The following PLEKHA7 variants were observed in gnomAD, a reference collection of about 807,000 sequenced individuals.
PLEKHA7 encodes pleckstrin homology domain-containing family A member 7.
PLEKHA7 carries 104 observed loss-of-function variants against 170.0 expected under a neutral mutation model. That is an observed-to-expected ratio of 0.61 (90% CI 0.52 to 0.72). PLEKHA7 has a LOEUF of 0.72. Among genes scored for constraint, PLEKHA7 ranks in the 30% least tolerant of loss-of-function variants. The pLI is 0.00. For missense variants in PLEKHA7, 1,615 were observed against 1,671.7 expected (o/e 0.97, Z 0.59); for synonymous variants, 648 against 660.8 (o/e 0.98, Z 0.30).
In PLEKHA7 at chr11:16,816,245, C is replaced by T. The variant is rs148588380; in HGVS notation, c.1886G>A (p.Arg629Gln). ...HAVKNSSHVD[R>Q]RSMPSMGYMT... ...GTAACCCATGGAGGGCATGGAGCGT[C>T]GGTCCACATGAGATGAGTTCTGCAA... The change falls in exon 12 of 27, where the codon CGA becomes CAA. Residue 629 changes from arginine to glutamine, a missense_variant. By Grantham distance (43) the Arg-to-Gln change is conservative. Transcript: ENST00000531066. 21 of 1,613,546 alleles carry T rather than the reference C, an allele frequency of 1.3e-5. No individual in the cohort carries two copies. The highest frequency in any genetic ancestry group is 7.7e-5 in the South Asian group (7 of 91,044).
At chr11:16,960,237 C>T (rs1861969179) in intron 3 of PLEKHA7, among the ~76,000 whole-genome samples, 1 of 152,188 alleles carries the variant, frequency 6.6e-6, no homozygotes, top group Non-Finnish European at 1.5e-5. Flanking sequence ...CCCCTGCTTC[C>T]ACAGCCAGGA....
intron 3 of PLEKHA7, among the ~76,000 whole-genome samples, chr11:17,005,290 A>C (rs1328443825): frequency 6.6e-6 from 1 of 151,296 alleles, no homozygotes; most frequent in Non-Finnish European, 1.5e-5. Flanking sequence ...CAGCACTTCC[A>C]GGAGGCCAAG....
chr11:16,926,045 G>C (rs1859516098), intron 3 of PLEKHA7, among the ~76,000 whole-genome samples: 1 of 152,234 alleles, frequency 6.6e-6, no homozygotes, highest in South Asian at 2.1e-4. Flanking sequence ...CCAGGCTGCA[G>C]GAGACCCGGG....
At chr11:17,013,513 C>T (rs955971974) in intron 3 of PLEKHA7, among the ~76,000 whole-genome samples, 1 of 152,208 alleles carries the variant, frequency 6.6e-6, no homozygotes, top group Non-Finnish European at 1.5e-5. Flanking sequence ...CCAGAGCCTG[C>T]GGCGGGAGAG....
chr11:16,980,342 G>A (rs1243657931), intron 3 of PLEKHA7, among the ~76,000 whole-genome samples: 1 of 152,206 alleles, frequency 6.6e-6, no homozygotes, highest in African/African-American at 2.4e-5. Context: ...AGTTAGTGGT[G>A]GAGCCAGGAT....
intron 3 of PLEKHA7, among the ~76,000 whole-genome samples, chr11:16,987,471 C>T (rs554813315): frequency 1.2e-3 from 179 of 152,250 alleles, no homozygotes; most frequent in African/African-American, 4.1e-3. Flanking sequence ...CGAGTAGAGA[C>T]GCACCCTTGA....
intron 3 of PLEKHA7, among the ~76,000 whole-genome samples, chr11:17,001,215 A>T (rs1016156810): frequency 5.3e-5 from 8 of 152,168 alleles, no homozygotes; most frequent in Admixed American, 5.2e-4. Context: ...GCTGGAGGGC[A>T]GAAACAGTGA....
At chr11:16,832,808 G>A (rs1851220529) in intron 9 of PLEKHA7, among the ~76,000 whole-genome samples, 2 of 152,170 alleles carry the variant, frequency 1.3e-5, no homozygotes, top group South Asian at 4.1e-4. Context: ...GAGAGTCTTG[G>A]AGAGTTGGAT....
In PLEKHA7 at chr11:16,789,979, G is replaced by T; in HGVS notation, c.3053-101C>A. Reference sequence around the variant, plus strand: ...CTTGCAGGAGTACCAAGAGCACCCAGTCAATGACCCACCCTTATTTCTCTT... The same window carrying T: ...CTTGCAGGAGTACCAAGAGCACCCATTCAATGACCCACCCTTATTTCTCTT... On this transcript the variant is annotated intron_variant, in intron 21 of 26. Transcript: ENST00000531066. The surrounding 1 kb of genome is among the most constrained non-coding windows in gnomAD (Gnocchi z 4.6). 2 of 1,007,162 alleles carry T rather than the reference G, an allele frequency of 2.0e-6. No individual in the cohort carries two copies. The highest frequency in any genetic ancestry group is 3.1e-6 in the Non-Finnish European group (2 of 652,618). 62.4% of individuals were successfully genotyped at this position (1,007,162 alleles called of 1,614,324 possible). A position where few individuals can be genotyped will look rare whatever the true frequency, so the allele number is the denominator to read the frequency against.
intron 9 of PLEKHA7, among the ~76,000 whole-genome samples, chr11:16,839,922 T>C (rs995738714): frequency 8.5e-5 from 13 of 152,072 alleles, no homozygotes; most frequent in Non-Finnish European, 1.5e-4. Flanking sequence ...GACTGTGCAC[T>C]AGACTGTGTT....
chr11:16,789,708 C>A lies in PLEKHA7; in HGVS notation c.3156+67G>T. The stretch of plus-strand genomic sequence containing the variant: ...GCTGAAGGGATGGCCAGTTACTGTC[C>A]CCCTGGGAGACCCTCCCTCCCCATG... On this transcript the variant is annotated intron_variant, in intron 22 of 26. Coordinates refer to ENST00000531066, the MANE Select transcript of PLEKHA7 (RefSeq NM_001329630.2). The surrounding 1 kb of genome is among the most constrained non-coding windows in gnomAD (Gnocchi z 4.6). 2 of 1,409,262 alleles carry A rather than the reference C, an allele frequency of 1.4e-6. No individual in the cohort carries two copies. Among genetic ancestry groups the A allele is most frequent in the Non-Finnish European group, 2.0e-6 (2 of 1,007,610 alleles). The allele number at this position is 1,409,262 out of a possible 1,614,324, so 87.3% of individuals were successfully genotyped here.
intron 3 of PLEKHA7, among the ~76,000 whole-genome samples, chr11:16,894,148 G>A (rs1856852691): frequency 6.6e-6 from 1 of 152,288 alleles, no homozygotes; most frequent in South Asian, 2.1e-4. Flanking sequence ...TTCCTCCCCT[G>A]CCCATCATCA....
chr11:16,881,481 A>G (rs1344285523), intron 3 of PLEKHA7: 1 of 151,648 alleles, frequency 6.6e-6, no homozygotes, highest in African/African-American at 2.4e-5. Context: ...GTTCCTCTCC[A>G]CCCCCCACAC....
intron 3 of PLEKHA7, among the ~76,000 whole-genome samples, chr11:16,964,726 C>T (rs1375035224): frequency 1.3e-5 from 2 of 152,204 alleles, no homozygotes; most frequent in East Asian, 1.9e-4. Context: ...GCCAGCTGTG[C>T]GCTCTCTTAC....
Position 16,794,987 on chromosome 11 carries a change from C to T in PLEKHA7, c.2441G>A (p.Arg814Lys). ...CAGGCCTGCAGTGACATCTTCAATT[C>T]TCCATAGATCTTTCTGTATCTGCGA... The part of the protein sequence containing the change: ...EKSQIQKDLW[R>K]IEDVTAGLSA... The change falls in exon 18 of 27, where the codon AGA (arginine) becomes AAA (lysine). Residue 814 changes from arginine to lysine, a missense_variant. By Grantham distance (26) the Arg-to-Lys change is conservative. Coordinates refer to ENST00000531066, the MANE Select transcript of PLEKHA7 (RefSeq NM_001329630.2). 1 of 1,613,958 alleles carries T rather than the reference C, an allele frequency of 6.2e-7. No individual in the cohort carries two copies. Among genetic ancestry groups the T allele is most frequent in the Non-Finnish European group, 8.5e-7 (1 of 1,179,838 alleles).
chr11:16,958,279 T>A (rs904498596), intron 3 of PLEKHA7, among the ~76,000 whole-genome samples: 1 of 152,050 alleles, frequency 6.6e-6, no homozygotes, highest in African/African-American at 2.4e-5. Context: ...ATCACACCAC[T>A]GCATTCCAGC....
intron 7 of PLEKHA7, 30 bp downstream of exon 7, chr11:16,852,253 G>A (rs561046832): frequency 5.0e-6 from 8 of 1,603,716 alleles, no homozygotes; most frequent in Middle Eastern, 1.7e-4. Flanking sequence ...TGAACACTTC[G>A]GCAGGGTAAT....
intron 10 of PLEKHA7, among the ~76,000 whole-genome samples, chr11:16,824,088 A>G (rs6486313): frequency 0.25 from 37,366 of 152,186 alleles, 4,841 homozygotes; most frequent in African/African-American, 0.29. Context: ...AGAGTAGAAT[A>G]ATGGTTACCA....
chr11:16,996,237 T>C (rs7120819), intron 3 of PLEKHA7, among the ~76,000 whole-genome samples: 145,505 of 152,296 alleles, frequency 0.96, 69,914 homozygotes, highest in East Asian at 1. Context: ...CAGAGTTCCA[T>C]AGCCATGAAG....
Sources: allele counts gnomAD v4.1 joint callset (sites outside exome capture counted in the v4.1 genomes callset), GRCh38; gene constraint gnomAD v4.1.1; non-coding constraint Gnocchi (gnomAD v3.1); transcripts MANE v1.5; gene names NCBI Gene and HGNC (gene_info 2026-07-23, HGNC 2026-07-21).